Variants in EXT2 observed in about 807,000 individuals in gnomAD.
The protein encoded by EXT2 is exostosin-2.
In EXT2, 53 loss-of-function variants were observed where a neutral mutation model predicts 81.6. The observed-to-expected ratio is 0.65, with a 90% confidence interval of 0.52 to 0.82. EXT2 has a LOEUF of 0.82. EXT2 is among the 40% of genes least tolerant of loss of function. The pLI, the probability that EXT2 is intolerant of heterozygous loss-of-function variation, is 0.00. For missense variants in EXT2, 774 were observed against 910.2 expected (o/e 0.85, Z 1.93); for synonymous variants, 320 against 340.0 (o/e 0.94, Z 0.65).
chr11:44,171,827 G>C, intron 8 of EXT2, 85 bp downstream of exon 8: 1 of 1,579,948 alleles, frequency 6.3e-7, no homozygotes, highest in Non-Finnish European at 8.6e-7. Context: ...AATTGTAAAG[G>C]TTATTTAAAT....
At chr11:44,219,030 A>G (rs951505122) in intron 10 of EXT2, among the ~76,000 whole-genome samples, 1 of 151,688 alleles carries the variant, frequency 6.6e-6, no homozygotes, top group South Asian at 2.1e-4. Context: ...CAAACTCCTG[A>G]CCTCAGATGA....
chr11:44,119,721 G>A lies in EXT2; in HGVS notation c.744-5068G>A, dbSNP rs561090883. 3.9e-5 allele frequency among the ~76,000 whole-genome samples: 6 copies of A among 152,320 alleles called. No individual in the cohort carries two copies. The South Asian group carries it at 1.2e-3, about 32-fold the overall frequency. ...TGACAGCCAAAGACCAAACTTATAA[G>A]CAAGCCTTTCTAAGGAGAACACTCA... On this transcript the variant is annotated intron_variant, in intron 4 of 13. Transcript: ENST00000533608.
intron 8 of EXT2, among the ~76,000 whole-genome samples, chr11:44,183,769 T>G (rs1955269370): frequency 6.6e-6 from 1 of 152,216 alleles, no homozygotes; most frequent in South Asian, 2.1e-4. Flanking sequence ...TTTGTAGAAG[T>G]TCTATTTGAT....
intron 7 of EXT2, among the ~76,000 whole-genome samples, chr11:44,147,506 A>G (rs1223457220): frequency 6.6e-6 from 1 of 152,214 alleles, no homozygotes; most frequent in Non-Finnish European, 1.5e-5. Flanking sequence ...ATAGCAAGCC[A>G]TATTATATGC....
At chr11:44,098,716 G>A (rs1291197518) in intron 1 of EXT2, among the ~76,000 whole-genome samples, 4 of 149,676 alleles carry the variant, frequency 2.7e-5, no homozygotes, top group African/African-American at 9.8e-5. Flanking sequence ...AAAAAAAGCA[G>A]GGGTGGGGAA....
chr11:44,103,861 C>A, intron 1 of EXT2: 1 of 183,210 alleles, frequency 5.5e-6, no homozygotes, highest in Non-Finnish European at 1.1e-5. Context: ...GTTATGTTCC[C>A]CTTTTCAGGT....
intron 10 of EXT2, among the ~76,000 whole-genome samples, chr11:44,224,718 A>C (rs557497409): frequency 1.8e-4 from 28 of 152,334 alleles, no homozygotes; most frequent in African/African-American, 6.3e-4. Context: ...CACAGTAATA[A>C]GAAAACAAAG....
intron 7 of EXT2, among the ~76,000 whole-genome samples, chr11:44,136,550 G>T (rs1010317385): frequency 1.3e-5 from 2 of 152,144 alleles, no homozygotes; most frequent in African/African-American, 4.8e-5. Context: ...AGACATTTAG[G>T]ACTGGACACA....
At chr11:44,234,794 G>T (rs775902821) in intron 12 of EXT2, among the ~76,000 whole-genome samples, 8 of 152,100 alleles carry the variant, frequency 5.3e-5, no homozygotes, top group Non-Finnish European at 7.4e-5. Flanking sequence ...AAAGATGCCT[G>T]TTTATTCCTG....
At chr11:44,134,676 G>A (rs752316923) in intron 7 of EXT2, among the ~76,000 whole-genome samples, 1 of 152,242 alleles carries the variant, frequency 6.6e-6, no homozygotes, top group Non-Finnish European at 1.5e-5. Context: ...ACACTAGACT[G>A]TATCGTTAGA....
chr11:44,127,091 A>C, intron 6 of EXT2, 136 bp downstream of exon 6: 1 of 1,205,388 alleles, frequency 8.3e-7, no homozygotes, highest in Non-Finnish European at 1.2e-6. Flanking sequence ...CCATTAGGAG[A>C]GTTAGTACAC....
chr11:44,250,502 C>T lies in EXT2; in HGVS notation c.*6215C>T, dbSNP rs555864323. Among the ~76,000 whole-genome samples the T allele has an allele frequency of 6.6e-6, 1 of 152,330 alleles. No individual in the cohort carries two copies. The highest frequency in any genetic ancestry group is 2.1e-4 in the South Asian group (1 of 4,822). ...GGTGATGCTGGCAGCCAGCCCTCTTCCGGCCCCTATTTCTGCTTACCGTGT... is the reference window on the plus strand; with the variant it reads ...GGTGATGCTGGCAGCCAGCCCTCTTTCGGCCCCTATTTCTGCTTACCGTGT... On this transcript the variant is annotated 3_prime_UTR_variant, in exon 14 of 14. Transcript: ENST00000533608.
At chr11:44,209,203 G>T (rs1431390652) in intron 10 of EXT2, among the ~76,000 whole-genome samples, 1 of 152,158 alleles carries the variant, frequency 6.6e-6, no homozygotes, top group Non-Finnish European at 1.5e-5. Flanking sequence ...GTCTAGGTTG[G>T]GTTCAGAGCA....
chr11:44,139,371 A>C (rs1466148193), intron 7 of EXT2, among the ~76,000 whole-genome samples: 1 of 152,136 alleles, frequency 6.6e-6, no homozygotes, highest in African/African-American at 2.4e-5. Context: ...GAAAGTTAGA[A>C]TCAGAATAGA....
chr11:44,228,448 G>T (rs567539545), intron 10 of EXT2, among the ~76,000 whole-genome samples: 1 of 152,188 alleles, frequency 6.6e-6, no homozygotes, highest in South Asian at 2.1e-4. Context: ...GCTCTTGCTC[G>T]TCTGGCTGGG....
chr11:44,208,133 A>G (rs922979767), intron 10 of EXT2, among the ~76,000 whole-genome samples: 5 of 151,972 alleles, frequency 3.3e-5, no homozygotes, highest in African/African-American at 1.2e-4. Context: ...TTAGTATACT[A>G]TTATTCCTAT....
At chr11:44,145,342 A>G (rs1590592297) in intron 7 of EXT2, among the ~76,000 whole-genome samples, 1 of 152,180 alleles carries the variant, frequency 6.6e-6, no homozygotes, top group East Asian at 1.9e-4. Context: ...CTTTTCTACA[A>G]TTCAAATAGA....
intron 10 of EXT2, among the ~76,000 whole-genome samples, chr11:44,216,103 C>G (rs1339303963): frequency 6.6e-6 from 1 of 152,128 alleles, no homozygotes; most frequent in South Asian, 2.1e-4. Context: ...GTCTCGATCT[C>G]CTGACCTCAT....
chr11:44,217,443 T>G (rs1340948234), intron 10 of EXT2, among the ~76,000 whole-genome samples: 1 of 152,212 alleles, frequency 6.6e-6, no homozygotes, highest in Non-Finnish European at 1.5e-5. Flanking sequence ...TGGGAAATGT[T>G]CCATTCTCTC....
Sources: allele counts gnomAD v4.1 joint callset (sites outside exome capture counted in the v4.1 genomes callset), GRCh38; gene constraint gnomAD v4.1.1; transcripts MANE v1.5; gene names NCBI Gene and HGNC (gene_info 2026-07-23, HGNC 2026-07-21).